The following CACNA1B variants were observed in gnomAD, a reference collection of about 807,000 sequenced individuals.
The protein encoded by CACNA1B is voltage-dependent N-type calcium channel subunit alpha-1B.
CACNA1B carries 70 observed loss-of-function variants against 247.2 expected under a neutral mutation model. The ratio of observed to expected loss-of-function variants is 0.28; its 90% CI spans 0.23 to 0.35. CACNA1B has a LOEUF of 0.35. Ranked by LOEUF, CACNA1B falls within the 10% of genes least tolerant of loss-of-function variation. CACNA1B has a pLI of 1.00. For synonymous variants in CACNA1B, 1,231 were observed against 1,294.4 expected (o/e 0.95, Z 1.05); for missense variants, 2,367 against 3,197.4 (o/e 0.74, Z 6.26).
At chr9:137,997,624 C>T (rs1439549546) in intron 15 of CACNA1B, among the ~76,000 whole-genome samples, 1 of 152,166 alleles carries the variant, frequency 6.6e-6, no homozygotes, top group African/African-American at 2.4e-5. Flanking sequence ...AATGAAACAA[C>T]CATTTCCACC....
Position 137,917,298 on chromosome 9 carries a change from A to G in CACNA1B, c.833A>G (p.Glu278Gly). The G allele has an allele frequency of 6.2e-7, 1 of 1,613,910 alleles. No individual in the cohort carries two copies. Among genetic ancestry groups the G allele is most frequent in the Non-Finnish European group, 8.5e-7 (1 of 1,179,836 alleles). ...CGKEAPARLCEGDTECREYWP... is the reference protein window; with the variant it reads ...CGKEAPARLCGGDTECREYWP... ...AAGGAGGCCCCAGCCCGGCTGTGCG[A>G]GGGCGACACTGAGTGCCGGGAGTAC... Residue 278 changes from glutamate (E) to glycine (G), a missense_variant, in exon 6 of 47, where the codon GAG becomes GGG. Transcript: ENST00000371372. The surrounding 1 kb of genome is among the most constrained non-coding windows in gnomAD (Gnocchi z 5.5).
intron 20 of CACNA1B, among the ~76,000 whole-genome samples, chr9:138,036,741 G>A (rs567933551): frequency 2.6e-5 from 4 of 152,156 alleles, no homozygotes; most frequent in South Asian, 2.1e-4. Context: ...GAGAAAATGC[G>A]GTGAACTCCT....
chr9:138,115,771 GC>G, intron 42 of CACNA1B, 92 bp downstream of exon 42: 2 of 1,352,738 alleles, frequency 1.5e-6, no homozygotes. Flanking sequence ...AACCTCCCTG[GC>G]CCTCACTTCC....
At position 138,059,651 on chromosome 9, in the gene CACNA1B, T is replaced by C; in HGVS notation, c.4585-3T>C. 1.9e-6 allele frequency: 3 copies of C among 1,585,550 alleles called. No homozygotes were observed. The highest frequency in any genetic ancestry group is 2.6e-6 in the Non-Finnish European group (3 of 1,153,944). ...GGCACTAACTGCTCTTCTTTTTCTCTAGAACTATTTCAGAGATGCCTGGAA... is the reference window on the plus strand; with the variant it reads ...GGCACTAACTGCTCTTCTTTTTCTCCAGAACTATTTCAGAGATGCCTGGAA... On this transcript the variant is annotated splice_region_variant and splice_polypyrimidine_tract_variant and intron_variant, in intron 30 of 46. Transcript: ENST00000371372. This position sits in a 1 kb window ranked among gnomAD's most constrained non-coding sequence, Gnocchi z 4.2.
intron 39 of CACNA1B, among the ~76,000 whole-genome samples, chr9:138,108,570 AC>A (rs1961516663): frequency 1.3e-5 from 2 of 152,166 alleles, no homozygotes; most frequent in Non-Finnish European, 2.9e-5. Context: ...CAAAGACATG[AC>A]CAGAAAAGAA....
intron 3 of CACNA1B, among the ~76,000 whole-genome samples, chr9:137,894,625 A>G (rs565270167): frequency 6.4e-4 from 97 of 151,946 alleles, no homozygotes; most frequent in Admixed American, 1.2e-3. Context: ...AGCCAGGATG[A>G]TCTCGATCTC....
chr9:137,878,392 G>T (rs936296573), intron 1 of CACNA1B, among the ~76,000 whole-genome samples, 175 bp downstream of exon 1: 1 of 152,060 alleles, frequency 6.6e-6, no homozygotes, highest in East Asian at 2.0e-4. Flanking sequence ...GAGCATTTCC[G>T]TGAGTGCGGC....
chr9:138,083,737 A>G lies in CACNA1B; in HGVS notation c.5094+5479A>G, dbSNP rs1309796685. On this transcript the variant is annotated intron_variant, in intron 36 of 46. Transcript: ENST00000371372. Reference sequence around the variant, plus strand: ...TATTGCCCTGCTTTCCTGGAGCTAGACTTGCCCCCTGGAGTCTGAGCTGCT... The same window carrying G: ...TATTGCCCTGCTTTCCTGGAGCTAGGCTTGCCCCCTGGAGTCTGAGCTGCT... 2.7e-5 allele frequency among the ~76,000 whole-genome samples: 4 copies of G among 150,624 alleles called. No homozygotes were observed. The South Asian group carries it at 6.3e-4, about 24-fold the overall frequency.
In CACNA1B at chr9:137,914,949, C is replaced by T. The variant is rs555120106; in HGVS notation, c.775+143C>T. On this transcript the variant is annotated intron_variant, in intron 5 of 46. Coordinates refer to ENST00000371372, the MANE Select transcript of CACNA1B (RefSeq NM_000718.4). This position sits in a 1 kb window ranked among gnomAD's most constrained non-coding sequence, Gnocchi z 4.3. ...CTGACATTCTAGTGGGGGACATAGACGATAGCCTGATAAACACAAGTAAAT... is the reference window on the plus strand; with the variant it reads ...CTGACATTCTAGTGGGGGACATAGATGATAGCCTGATAAACACAAGTAAAT... 45 of 763,378 alleles carry T rather than the reference C, an allele frequency of 5.9e-5. No individual in the cohort carries two copies. The highest frequency in any genetic ancestry group is 4.3e-4 in the South Asian group (19 of 44,458). 47.3% of individuals were successfully genotyped at this position (763,378 alleles called of 1,614,324 possible).
intron 20 of CACNA1B, among the ~76,000 whole-genome samples, chr9:138,030,648 T>C (rs1396556427): frequency 1.3e-5 from 2 of 152,228 alleles, no homozygotes; most frequent in Admixed American, 1.3e-4. Context: ...GAGGAGATTA[T>C]GTTGAACTGA....
rs145700928 is a variant in CACNA1B at position 137,971,679 on chromosome 9, C to G, written c.1543+87C>G. 5,105 of 1,179,690 alleles carry G rather than the reference C, an allele frequency of 4.3e-3. 19 individuals are homozygous for G. The highest frequency in any genetic ancestry group is 5.4e-3 in the Non-Finnish European group (4,444 of 820,724). 73.1% of individuals were successfully genotyped at this position (1,179,690 alleles called of 1,614,324 possible). A position where few individuals can be genotyped will look rare whatever the true frequency, so the allele number is the denominator to read the frequency against. On this transcript the variant is annotated intron_variant, in intron 11 of 46. Coordinates refer to ENST00000371372, the MANE Select transcript of CACNA1B (RefSeq NM_000718.4). The surrounding 1 kb of genome is among the most constrained non-coding windows in gnomAD (Gnocchi z 4.4). ...CCTGGTCCATGCCCTGGGGCTACCC[C>G]AGGTGGGACGGGACCCACCCCCATG...
chr9:137,988,963 G>GGGGCAGGGA (rs1217101622), intron 15 of CACNA1B, among the ~76,000 whole-genome samples: 1 of 152,184 alleles, frequency 6.6e-6, no homozygotes, highest in Non-Finnish European at 1.5e-5. Context: ...GGTTGGGAGT[G>GGGGCAGGGA]GGGCAGGGAG....
At position 137,954,885 on chromosome 9, in the gene CACNA1B, A is replaced by T. The variant is rs1405400916; in HGVS notation, c.1071-813A>T. Among the ~76,000 whole-genome samples, 373 of 84,712 alleles carry T rather than the reference A, an allele frequency of 4.4e-3. 4 individuals carry two copies. The highest frequency in any genetic ancestry group is 0.031 in the African/African-American group (287 of 9,132). 55.6% of individuals were successfully genotyped at this position (84,712 alleles called of 152,430 possible). ...GTGTGTGTGTGTGTGTGTGTGAGAG[A>T]GAGAGAGAGAGAGAGAGGGGGAGAG... On this transcript the variant is annotated intron_variant, in intron 7 of 46. Transcript: ENST00000371372. This position sits in a 1 kb window ranked among gnomAD's most constrained non-coding sequence, Gnocchi z 4.1.
intron 26 of CACNA1B, among the ~76,000 whole-genome samples, chr9:138,056,933 G>GTTTT (rs138277172): frequency 0.015 from 1,719 of 113,382 alleles, 38 homozygotes; most frequent in South Asian, 0.028. Context: ...TTTTATTTGG[G>GTTTT]TTTTTTTTTT....
intron 12 of CACNA1B, among the ~76,000 whole-genome samples, chr9:137,983,178 G>A (rs906558164): frequency 1.3e-5 from 2 of 152,248 alleles, no homozygotes; most frequent in Non-Finnish European, 2.9e-5. Context: ...CAAATACAAT[G>A]TAATTGAGTT....
At chr9:138,017,934 C>T (rs35925306) in intron 18 of CACNA1B, among the ~76,000 whole-genome samples, 2,094 of 98,212 alleles carry the variant, frequency 0.021, 40 homozygotes, top group African/African-American at 0.071. Flanking sequence ...ATGGAAGTGG[C>T]CAGGTGCAGT....
At chr9:137,912,777 C>T (rs1278396203) in intron 3 of CACNA1B, among the ~76,000 whole-genome samples, 1 of 152,134 alleles carries the variant, frequency 6.6e-6, no homozygotes, top group Admixed American at 6.5e-5. Context: ...GTCTCCACTC[C>T]TCTCAGAAGG....
At chr9:137,916,397 C>T (rs1324006998) in intron 5 of CACNA1B, among the ~76,000 whole-genome samples, 10 of 152,186 alleles carry the variant, frequency 6.6e-5, no homozygotes, top group African/African-American at 1.9e-4. Context: ...AGGGGGTAAA[C>T]GTGCTGCTTG....
In CACNA1B at chr9:138,095,948, G is replaced by A. The variant is rs575328433; in HGVS notation, c.5095-536G>A. On this transcript the variant is annotated intron_variant, in intron 36 of 46. Transcript: ENST00000371372. ...TTGGTGGTTGCCAGGGGGTTGGGGGGGCGGGGATTGGGGTGGTGATTACCC... is the reference window on the plus strand; with the variant it reads ...TTGGTGGTTGCCAGGGGGTTGGGGGAGCGGGGATTGGGGTGGTGATTACCC... Among the ~76,000 whole-genome samples the A allele has an allele frequency of 2.9e-4, 43 of 148,080 alleles. No individual in the cohort carries two copies. In the South Asian group the frequency reaches 4.0e-3, roughly 14 times the overall value.
Sources: allele counts gnomAD v4.1 joint callset (sites outside exome capture counted in the v4.1 genomes callset), GRCh38; gene constraint gnomAD v4.1.1; non-coding constraint Gnocchi (gnomAD v3.1); transcripts MANE v1.5; gene names NCBI Gene and HGNC (gene_info 2026-07-23, HGNC 2026-07-21).